TMEM164: variants seen among roughly 807,000 people sequenced by gnomAD.
The protein encoded by TMEM164 is transmembrane protein 164, also known as RP13-360B22.2.
A neutral mutation model predicts 18.8 loss-of-function variants in TMEM164; 4 were observed. That is an observed-to-expected ratio of 0.21 (90% CI 0.10 to 0.49). TMEM164 has a LOEUF of 0.49. Ranked by LOEUF, TMEM164 falls within the 20% of genes least tolerant of loss-of-function variation. The probability of loss-of-function intolerance (pLI) is 0.98; values close to 1 mark genes in which losing one functional copy is unlikely to be tolerated. For synonymous variants in TMEM164, 86 were observed against 101.7 expected (o/e 0.85, Z 0.93); for missense variants, 108 against 239.9 (o/e 0.45, Z 3.63).
intron 4 of TMEM164, among the ~76,000 whole-genome samples, chrX:110,135,262 T>C (rs200857789): frequency 2.7e-5 from 3 of 110,680 alleles, no homozygotes; most frequent in Non-Finnish European, 3.8e-5. Context: ...TCATGCCTTA[T>C]ACAATATAGA....
At chrX:110,056,221 C>T (rs1340532652) in intron 2 of TMEM164, among the ~76,000 whole-genome samples, 1 of 108,481 alleles carries the variant, frequency 9.2e-6, no homozygotes, top group East Asian at 2.9e-4. Context: ...TGTTAATCTA[C>T]TTTCTGTTTC....
At chrX:110,058,196 C>T (rs1344185039) in intron 2 of TMEM164, among the ~76,000 whole-genome samples, 1 of 111,178 alleles carries the variant, frequency 9.0e-6, no homozygotes, top group East Asian at 2.8e-4. Flanking sequence ...ATCATTTGTT[C>T]AAGCAAGCAT....
intron 3 of TMEM164, among the ~76,000 whole-genome samples, chrX:110,075,692 C>A (rs1243742515): frequency 5.4e-5 from 6 of 111,571 alleles, no homozygotes; most frequent in Non-Finnish European, 7.5e-5. Flanking sequence ...TATAAAAAAC[C>A]TTTTTATTTG....
intron 4 of TMEM164, among the ~76,000 whole-genome samples, chrX:110,113,134 G>A (rs536415705): frequency 9.0e-6 from 1 of 111,493 alleles, no homozygotes; most frequent in South Asian, 3.7e-4. Context: ...CCAAATAAAT[G>A]TGAGGCTGTA....
chrX:110,056,964 C>T (rs1374512448), intron 2 of TMEM164, among the ~76,000 whole-genome samples: 1 of 109,626 alleles, frequency 9.1e-6, no homozygotes, highest in East Asian at 2.8e-4. Context: ...TGGAAATCAC[C>T]ACAATCAAGA....
rs538820865 is a variant in TMEM164, at chrX:110,156,014, C to A, written c.586+11138C>A. Among the ~76,000 whole-genome samples the A allele has an allele frequency of 5.3e-4, 59 of 112,146 alleles. 1 individual carries two copies. The South Asian group carries it at 0.022, about 42-fold the overall frequency. On this transcript the variant is annotated intron_variant, in intron 5 of 6. Coordinates refer to ENST00000372068, the MANE Select transcript of TMEM164 (RefSeq NM_032227.4). ...GGATCTCCTGGGCTCAAGTGATCCTCCTGCCTCTGCTTCCCAAGCAGCTGA... is the reference window on the plus strand; with the variant it reads ...GGATCTCCTGGGCTCAAGTGATCCTACTGCCTCTGCTTCCCAAGCAGCTGA...
chrX:110,183,410 C>G (rs1330110495), downstream of TMEM164, among the ~76,000 whole-genome samples: 1 of 112,548 alleles, frequency 8.9e-6, no homozygotes, highest in Non-Finnish European at 1.9e-5. Context: ...CTAGCCGCCA[C>G]TCAGTAGGTT....
intron 3 of TMEM164, among the ~76,000 whole-genome samples, chrX:110,107,505 C>T (rs963104023): frequency 1.8e-5 from 2 of 111,843 alleles, no homozygotes; most frequent in Admixed American, 9.5e-5. Context: ...CATCGCTATT[C>T]GCAAAGTTTT....
At chrX:110,044,089 C>T (rs1047365480) in intron 2 of TMEM164, among the ~76,000 whole-genome samples, 3 of 112,267 alleles carry the variant, frequency 2.7e-5, no homozygotes, top group Non-Finnish European at 3.8e-5. Context: ...AGGCACTATA[C>T]TTTCCATTTC....
Position 110,003,664 on chromosome X carries a change from G to C in TMEM164, c.-111G>C. ...CTCGGTGCCCTGGTGTCTGGAGGGGGGTTGTGGGGGTGTGCCCGCCTTACA... is the reference window on the plus strand; with the variant it reads ...CTCGGTGCCCTGGTGTCTGGAGGGGCGTTGTGGGGGTGTGCCCGCCTTACA... On this transcript the variant is annotated 5_prime_UTR_variant, in exon 2 of 7. Transcript: ENST00000372068. 1 of 897,810 alleles carries C rather than the reference G, an allele frequency of 1.1e-6. No individual in the cohort carries two copies. The highest frequency in any genetic ancestry group is 2.5e-5 in the South Asian group (1 of 40,631). 74.0% of individuals were successfully genotyped at this position (897,810 alleles called of 1,213,427 possible). A position where few individuals can be genotyped will look rare whatever the true frequency, so the allele number is the denominator to read the frequency against.
intron 5 of TMEM164, among the ~76,000 whole-genome samples, chrX:110,145,140 GTTC>G (rs958583583): frequency 5.4e-5 from 6 of 111,197 alleles, no homozygotes; most frequent in Non-Finnish European, 1.1e-4. Context: ...TGGGCTTTGG[GTTC>G]TTGATGGTGG....
chrX:110,167,012 A>G (rs2067167284), intron 5 of TMEM164, among the ~76,000 whole-genome samples: 1 of 112,062 alleles, frequency 8.9e-6, no homozygotes, highest in African/African-American at 3.2e-5. Context: ...CAACTTTTCA[A>G]TGAAAAGAAT....
At chrX:110,079,031 G>C (rs2065714022) in intron 3 of TMEM164, among the ~76,000 whole-genome samples, 1 of 111,449 alleles carries the variant, frequency 9.0e-6, no homozygotes, top group Non-Finnish European at 1.9e-5. Context: ...GAATGTAACT[G>C]TCAATGTATT....
chrX:110,067,976 C>T (rs1056914174), intron 3 of TMEM164, among the ~76,000 whole-genome samples: 4 of 112,547 alleles, frequency 3.6e-5, no homozygotes, highest in South Asian at 3.6e-4. Context: ...TCCTGGAACC[C>T]TCATTTTAAC....
chrX:110,109,327 G>C (rs1400673166), intron 4 of TMEM164, among the ~76,000 whole-genome samples, 181 bp downstream of exon 4: 1 of 111,837 alleles, frequency 8.9e-6, no homozygotes, highest in Non-Finnish European at 1.9e-5. Flanking sequence ...AGACCAGTCT[G>C]GCCGACATGG....
At chrX:110,032,245 A>G (rs191356135) in intron 2 of TMEM164, among the ~76,000 whole-genome samples, 27 of 112,370 alleles carry the variant, frequency 2.4e-4, no homozygotes, top group Non-Finnish European at 5.6e-5. Flanking sequence ...GACAAGAGGT[A>G]TAGTTCAAAT....
chrX:110,056,453 C>T, intron 2 of TMEM164, among the ~76,000 whole-genome samples: 1 of 111,986 alleles, frequency 8.9e-6, no homozygotes, highest in East Asian at 2.8e-4. Flanking sequence ...GTTGTTTCTG[C>T]CTTTTGGCTA....
At chrX:110,172,189 G>C (rs1280870399) in intron 6 of TMEM164, among the ~76,000 whole-genome samples, 1 of 111,790 alleles carries the variant, frequency 8.9e-6, no homozygotes, top group Non-Finnish European at 1.9e-5. Context: ...TCACCCTTGA[G>C]GGCAGAGAGT....
intron 5 of TMEM164, among the ~76,000 whole-genome samples, chrX:110,170,964 A>C (rs1227705703): frequency 1.8e-5 from 2 of 112,184 alleles, no homozygotes; most frequent in African/African-American, 6.5e-5. Flanking sequence ...TTCATAGTTA[A>C]CATTCTCAAC....
Sources: gnomAD v4.1 joint callset for allele counts (sites outside exome capture counted in the v4.1 genomes callset) on GRCh38, gnomAD v4.1.1 for gene constraint, MANE v1.5 for transcripts, NCBI Gene and HGNC (gene_info 2026-07-23, HGNC 2026-07-21) for gene names.